PCYT2: variants seen among roughly 807,000 people sequenced by gnomAD.
PCYT2 encodes ethanolamine-phosphate cytidylyltransferase.
PCYT2 carries 33 observed loss-of-function variants against 50.0 expected under a neutral mutation model. The ratio of observed to expected loss-of-function variants is 0.66; its 90% CI spans 0.50 to 0.88. PCYT2 has a LOEUF of 0.88. Among genes scored for constraint, PCYT2 ranks in the 40% least tolerant of loss-of-function variants. The probability of loss-of-function intolerance (pLI) is 0.00; values close to 1 mark genes in which losing one functional copy is unlikely to be tolerated. For synonymous variants in PCYT2, 240 were observed against 203.7 expected (o/e 1.18, Z -1.52); for missense variants, 430 against 519.7 (o/e 0.83, Z 1.68).
rs762049292 is a variant in PCYT2, at chr17:81,905,657, T to C, written c.903+13A>G. ...GAACAGAGGGAACGAGGTGAGCCCA[T>C]GCGGAGCCTCACCTTGAAGTGACTT... On this transcript the variant is annotated intron_variant, in intron 10 of 12. Transcript: ENST00000538936. 2.5e-6 allele frequency: 4 copies of C among 1,610,190 alleles called. No homozygotes were observed. In the South Asian group the frequency reaches 3.3e-5, roughly 13 times the overall value.
chr17:81,911,081 C>T (rs1010133821), intron 1 of PCYT2, 186 bp downstream of exon 1: 6 of 1,002,328 alleles, frequency 6.0e-6, no homozygotes, highest in Non-Finnish European at 7.1e-6. Flanking sequence ...TCGCCCACGG[C>T]AGGGCGCGGA....
At chr17:81,910,107 C>T (rs2040498755) in intron 1 of PCYT2, among the ~76,000 whole-genome samples, 1 of 152,250 alleles carries the variant, frequency 6.6e-6, no homozygotes, top group South Asian at 2.1e-4. Context: ...AATCCTGTCT[C>T]TCCTCCCTTA....
intron 6 of PCYT2, 194 bp downstream of exon 6, chr17:81,907,360 C>T: frequency 8.1e-7 from 1 of 1,239,402 alleles, no homozygotes; most frequent in Non-Finnish European, 1.1e-6. Flanking sequence ...CCAGCCGGTG[C>T]CACCACCCGC....
chr17:81,902,810 C>G lies in PCYT2; in HGVS notation c.*2023G>C, dbSNP rs1334651941. 8.8e-6 allele frequency: 13 copies of G among 1,475,664 alleles called. No individual in the cohort carries two copies. The highest frequency in any genetic ancestry group is 1.2e-5 in the Non-Finnish European group (13 of 1,105,826). The allele number at this position is 1,475,664 out of a possible 1,614,324, so 91.4% of individuals were successfully genotyped here. A position where few individuals can be genotyped will look rare whatever the true frequency, so the allele number is the denominator to read the frequency against. ...CCCCCACCGTCCCACTCGGTGACCC[C>G]AGGCCCCTCCGGCGCGGGATGGCGC... On this transcript the variant is annotated 3_prime_UTR_variant, in exon 13 of 13. Transcript: ENST00000538936.
Position 81,902,527 on chromosome 17 carries a change from G to C in PCYT2, c.*2306C>G, listed in dbSNP as rs1048376788. On this transcript the variant is annotated 3_prime_UTR_variant, in exon 13 of 13. Coordinates refer to ENST00000538936, the MANE Select transcript of PCYT2 (RefSeq NM_002861.5). ...ACTGCACCCCAGGCTGCGGAGCCTC[G>C]TGAGTCCGGCGTGCCGGGGACTGAT... is the stretch of plus-strand genomic sequence containing the variant. 1.1e-5 allele frequency: 16 copies of C among 1,457,352 alleles called. No individual in the cohort carries two copies. Among genetic ancestry groups the C allele is most frequent in the African/African-American group, 3.0e-5 (2 of 66,876 alleles). 90.3% of individuals were successfully genotyped at this position (1,457,352 alleles called of 1,614,324 possible). A position where few individuals can be genotyped will look rare whatever the true frequency, so the allele number is the denominator to read the frequency against.
At chr17:81,911,108 C>T in intron 1 of PCYT2, 159 bp downstream of exon 1, 7 of 1,002,668 alleles carry the variant, frequency 7.0e-6, no homozygotes, top group Non-Finnish European at 8.3e-6. Context: ...GCAGCCCGAC[C>T]CTCCCGGCAG....
chr17:81,906,962 C>A, intron 6 of PCYT2, 64 bp from the exon 7 acceptor site: 1 of 1,541,400 alleles, frequency 6.5e-7, no homozygotes, highest in South Asian at 1.2e-5. Context: ...CTCACCAGGT[C>A]ACCAAACCCT....
Position 81,907,815 on chromosome 17 carries a change from C to T in PCYT2, c.450G>A (p.Val150=), listed in dbSNP as rs1267201434. The change falls in exon 5 of 13, where the codon GTG becomes GTA. Residue 150 remains valine, a synonymous_variant. Transcript: ENST00000538936. The part of the protein sequence containing the change: ...RTQGVSTTDL[V]GRMLLVTKAH... ...CTTTGGTTACCAGCAGCATGCGGCC[C>T]ACGAGGTCTGTGGTGGACACCCCTT... 3 of 1,613,338 alleles carry T rather than the reference C, an allele frequency of 1.9e-6. No homozygotes were observed. The South Asian group carries it at 3.3e-5, about 18-fold the overall frequency.
intron 1 of PCYT2, 95 bp from the exon 2 acceptor site, chr17:81,909,697 C>T (rs1011440133): frequency 8.8e-6 from 8 of 904,566 alleles, no homozygotes; most frequent in Admixed American, 8.8e-5. Context: ...TCTGAGGACT[C>T]CTTAGGAAGC....
In PCYT2 at chr17:81,908,689, C is replaced by T. The variant is rs893223061; in HGVS notation, c.341-55G>A. The T allele has an allele frequency of 5.3e-6, 8 of 1,507,244 alleles. No individual in the cohort carries two copies. The African/African-American group carries it at 8.3e-5, about 16-fold the overall frequency. The allele number at this position is 1,507,244 out of a possible 1,614,324, so 93.4% of individuals were successfully genotyped here. A position where few individuals can be genotyped will look rare whatever the true frequency, so the allele number is the denominator to read the frequency against. The stretch of plus-strand genomic sequence containing the variant: ...CTTAACCCAAAGCCACCAGAACCTT[C>T]AGAGCCCAGGACCCTCTCGGCCCCT... On this transcript the variant is annotated intron_variant, in intron 3 of 12. Coordinates refer to ENST00000538936, the MANE Select transcript of PCYT2 (RefSeq NM_002861.5).
At position 81,907,573 on chromosome 17, in the gene PCYT2, T is replaced by C; in HGVS notation, c.518A>G (p.Tyr173Cys). The C allele has an allele frequency of 6.2e-7, 1 of 1,611,602 alleles. No individual in the cohort carries two copies. The highest frequency in any genetic ancestry group is 1.7e-5 in the Admixed American group (1 of 59,758). Residue 173 changes from tyrosine to cysteine, a missense_variant, in exon 6 of 13, where the codon TAT becomes TGT. Coordinates refer to ENST00000538936, the MANE Select transcript of PCYT2 (RefSeq NM_002861.5). ...SQEMSSEYRE[Y>C]ADSFGKCPGG... Reference sequence around the variant, plus strand: ...ACTCACCTTGCCAAAACTGTCTGCATACTCCCGGTACTCAGAGGACATCTC... The same window carrying C: ...ACTCACCTTGCCAAAACTGTCTGCACACTCCCGGTACTCAGAGGACATCTC...
In PCYT2 at chr17:81,906,542, G is replaced by C; in HGVS notation, c.681C>G (p.Ile227Met). 2 of 1,613,370 alleles carry C rather than the reference G, an allele frequency of 1.2e-6. No individual in the cohort carries two copies. The highest frequency in any genetic ancestry group is 1.7e-6 in the Non-Finnish European group (2 of 1,179,848). ...CCTTCTCCAGGAAGTCCACATGCCC[G>C]ATGTCTGCACCCAGGTTAAGAAGCA... ...YVAGAFDLFH[I>M]GHVDFLEKVH... Residue 227 changes from isoleucine (I) to methionine (M), a missense_variant, in exon 8 of 13, where the codon ATC becomes ATG. This residue lies in a region of PCYT2 where 248 missense variants were observed against 300.2 expected (regional missense o/e 0.83). Transcript: ENST00000538936.
intron 1 of PCYT2, among the ~76,000 whole-genome samples, chr17:81,910,352 G>A (rs1245268924): frequency 1.3e-5 from 2 of 152,232 alleles, no homozygotes; most frequent in African/African-American, 4.8e-5. Flanking sequence ...AGGGAGAGGT[G>A]TGACCCTGGC....
intron 4 of PCYT2, 148 bp from the exon 5 acceptor site, chr17:81,908,005 A>G (rs2040370773): frequency 1.1e-5 from 7 of 655,190 alleles, no homozygotes; most frequent in Non-Finnish European, 1.8e-5. Flanking sequence ...GTGCAAGGCC[A>G]TAACAGAAAA....
intron 3 of PCYT2, 92 bp from the exon 4 acceptor site, chr17:81,908,726 G>C (rs1378932046): frequency 1.5e-6 from 2 of 1,329,990 alleles, no homozygotes; most frequent in African/African-American, 2.9e-5. Context: ...GCCTGCCCTA[G>C]TGTCCGCGTG....
chr17:81,906,309 C>T (rs1313477454), intron 8 of PCYT2, 132 bp from the exon 9 acceptor site: 2 of 1,096,264 alleles, frequency 1.8e-6, no homozygotes, highest in African/African-American at 1.6e-5. Context: ...GACAGGACAG[C>T]CCTGGACCCC....
chr17:81,902,376 C>G lies in PCYT2; in HGVS notation c.*2457G>C. ...GGTACAAGCCAGCGGCGGGGCACAG[C>G]TCCTACTCGGTGGGCCGCGCCGCGG... On this transcript the variant is annotated 3_prime_UTR_variant, in exon 13 of 13. Coordinates refer to ENST00000538936, the MANE Select transcript of PCYT2 (RefSeq NM_002861.5). The G allele has an allele frequency of 7.4e-7, 1 of 1,344,026 alleles. No individual in the cohort carries two copies. The highest frequency in any genetic ancestry group is 9.5e-7 in the Non-Finnish European group (1 of 1,055,106). 83.3% of individuals were successfully genotyped at this position (1,344,026 alleles called of 1,614,324 possible).
intron 6 of PCYT2, 94 bp from the exon 7 acceptor site, chr17:81,906,992 A>G (rs1330676966): frequency 3.6e-6 from 5 of 1,406,900 alleles, no homozygotes; most frequent in Non-Finnish European, 9.7e-7. Context: ...CCTGCCAGCA[A>G]TCCCATTTCC....
chr17:81,906,106 G>C lies in PCYT2; in HGVS notation c.831C>G (p.Ala277=). The stretch of plus-strand genomic sequence containing the variant: ...GCTCCTGGCCCCCACTCACCCGGCA[G>C]GCCAGCACGCTCAGAGTCCGTTCAT... The part of the protein sequence containing the change: ...NLHERTLSVL[A]CRYVSEVVIG... The change falls in exon 9 of 13, where the codon GCC becomes GCG. Residue 277 remains alanine, a synonymous_variant. Coordinates refer to ENST00000538936, the MANE Select transcript of PCYT2 (RefSeq NM_002861.5). 6.2e-7 allele frequency: 1 copy of C among 1,611,586 alleles called. No individual in the cohort carries two copies. Among genetic ancestry groups the C allele is most frequent in the Non-Finnish European group, 8.5e-7 (1 of 1,178,804 alleles).
Sources: gnomAD v4.1 joint callset for allele counts (sites outside exome capture counted in the v4.1 genomes callset) on GRCh38, gnomAD v4.1.1 for gene constraint, gnomAD v4.1.1 regional missense constraint, MANE v1.5 for transcripts, NCBI Gene and HGNC (gene_info 2026-07-23, HGNC 2026-07-21) for gene names.